BDNF: variants seen among roughly 807,000 people sequenced by gnomAD.
BDNF encodes the protein brain derived neurotrophic factor.
In BDNF, 1 loss-of-function variant was observed where a neutral mutation model predicts 19.5. That is an observed-to-expected ratio of 0.05 (90% CI 0.02 to 0.24). The LOEUF (loss-of-function observed/expected upper bound fraction) is 0.24. Among genes scored for constraint, BDNF ranks in the 10% least tolerant of loss-of-function variants. The probability of loss-of-function intolerance (pLI) is 1.00; values close to 1 mark genes in which losing one functional copy is unlikely to be tolerated. For missense variants in BDNF, 195 were observed against 317.6 expected, an observed-to-expected ratio of 0.61 and a Z score of 2.93; for synonymous variants, 100 against 121.6, an observed-to-expected ratio of 0.82 and a Z score of 1.17.
intron 1 of BDNF, among the ~76,000 whole-genome samples, chr11:27,706,354 C>T (rs1860110446): frequency 6.6e-6 from 1 of 152,120 alleles, no homozygotes; most frequent in Admixed American, 6.5e-5. Flanking sequence ...CATTGCAGAC[C>T]AGGGAAGTAG....
chr11:27,669,890 A>G (rs1354262830), intron 1 of BDNF, among the ~76,000 whole-genome samples: 6 of 127,644 alleles, frequency 4.7e-5, no homozygotes, highest in African/African-American at 1.5e-4. Context: ...CTTTCTCCAC[A>G]GAATTGGAAA....
At chr11:27,700,803 C>T, upstream of BDNF, 2 of 1,208,680 alleles carry the variant, frequency 1.7e-6, no homozygotes, top group Non-Finnish European at 2.1e-6. Flanking sequence ...CCCCGCGTCC[C>T]GCGCCCTCTG....
intron 1 of BDNF, among the ~76,000 whole-genome samples, chr11:27,681,117 G>A (rs1856783177): frequency 1.3e-5 from 2 of 152,270 alleles, no homozygotes; most frequent in South Asian, 4.1e-4. Flanking sequence ...GTTCCCTTGT[G>A]GAAACACAAG....
At chr11:27,700,547 C>T (rs1859813396), upstream of BDNF, 6 of 851,846 alleles carry the variant, frequency 7.0e-6, no homozygotes, top group Admixed American at 2.0e-4. Flanking sequence ...CCCCGCCCCC[C>T]GCTCCCCGCT....
chr11:27,686,772 C>A (rs925669836), intron 1 of BDNF, among the ~76,000 whole-genome samples: 1 of 151,784 alleles, frequency 6.6e-6, no homozygotes, highest in Non-Finnish European at 1.5e-5. Context: ...GCTGAGAGAT[C>A]CACTGTTAGT....
At chr11:27,700,730 C>A, upstream of BDNF, 1 of 1,178,742 alleles carries the variant, frequency 8.5e-7, no homozygotes, top group Non-Finnish European at 1.1e-6. Flanking sequence ...CCTCCTGGGG[C>A]GCCTTGGACA....
At chr11:27,701,666 A>G (rs1269380661), upstream of BDNF, 2 of 973,296 alleles carry the variant, frequency 2.1e-6, no homozygotes, top group Non-Finnish European at 1.2e-6. Context: ...CGGTGCCTTG[A>G]CGTGCGCTGT....
chr11:27,718,355 C>T (rs1349881643), intron 1 of BDNF, among the ~76,000 whole-genome samples: 2 of 73,094 alleles, frequency 2.7e-5, no homozygotes, highest in Non-Finnish European at 6.9e-5. Context: ...CCGCACACCA[C>T]CCCCCCCCGC....
chr11:27,677,300 T>C (rs1856260800), intron 1 of BDNF: 1 of 152,222 alleles, frequency 6.6e-6, no homozygotes, highest in African/African-American at 2.4e-5. Flanking sequence ...ATACATGATT[T>C]TTCCTGCTGA....
In BDNF at chr11:27,657,544, C is replaced by T; in HGVS notation, c.*277G>A. 1 of 1,162,190 alleles carries T rather than the reference C, an allele frequency of 8.6e-7. No individual in the cohort carries two copies. The highest frequency in any genetic ancestry group is 1.1e-6 in the Non-Finnish European group (1 of 940,688). The allele number at this position is 1,162,190 out of a possible 1,614,324, so 72.0% of individuals were successfully genotyped here. The stretch of plus-strand genomic sequence containing the variant: ...GCATGCAATTTATTATTTTTTTTAA[C>T]TTTTTATGTTTTCAGTTCTTGGCAA... On this transcript the variant is annotated 3_prime_UTR_variant, in exon 2 of 2. Coordinates refer to ENST00000356660, the MANE Select transcript of BDNF (RefSeq NM_001709.5). The surrounding 1 kb of genome is among the most constrained non-coding windows in gnomAD (Gnocchi z 5.0).
chr11:27,717,860 A>AGTGTGT (rs56730757), intron 1 of BDNF, among the ~76,000 whole-genome samples: 19,392 of 147,466 alleles, frequency 0.13, 1,365 homozygotes, highest in Non-Finnish European at 0.17. Flanking sequence ...TTACAAGTTG[A>AGTGTGT]GTGTGTGTGT....
intron 1 of BDNF, among the ~76,000 whole-genome samples, chr11:27,665,704 G>A (rs764807587): frequency 1.1e-4 from 16 of 152,342 alleles, no homozygotes; most frequent in Non-Finnish European, 1.6e-4. Context: ...CTGCAAAGCA[G>A]CAGCGAGGCT....
At position 27,657,370 on chromosome 11, in the gene BDNF, T is replaced by A. The variant is rs760016550; in HGVS notation, c.*451A>T. 28 of 1,004,086 alleles carry A rather than the reference T, an allele frequency of 2.8e-5. No individual in the cohort carries two copies. The highest frequency in any genetic ancestry group is 3.3e-5 in the Non-Finnish European group (28 of 840,850). The allele number at this position is 1,004,086 out of a possible 1,614,324, so 62.2% of individuals were successfully genotyped here. ...CAACGCTATCAGAAGTTAAAAGCAG[T>A]AAAACAGATATAGTACTAACAAGAA... On this transcript the variant is annotated 3_prime_UTR_variant, in exon 2 of 2. Transcript: ENST00000356660. The surrounding 1 kb of genome is among the most constrained non-coding windows in gnomAD (Gnocchi z 5.0).
intron 1 of BDNF, chr11:27,719,426 G>T (rs1860662579): frequency 2.0e-6 from 2 of 982,776 alleles, no homozygotes; most frequent in South Asian, 4.7e-5. Context: ...CGCCCGGCCC[G>T]CTCTCTGGCT....
intron 1 of BDNF, among the ~76,000 whole-genome samples, chr11:27,713,007 A>G (rs1185538665): frequency 6.8e-6 from 1 of 147,072 alleles, no homozygotes; most frequent in Non-Finnish European, 1.5e-5. Flanking sequence ...TCCATGGTTC[A>G]AGTTAGTCTC....
chr11:27,674,095 A>G (rs772577149), intron 1 of BDNF: 1 of 1,611,028 alleles, frequency 6.2e-7, no homozygotes, highest in Non-Finnish European at 8.5e-7. Context: ...AGTTTGTTAA[A>G]TTCCACTGAA....
At chr11:27,687,724 A>G (rs1949513) in intron 1 of BDNF, among the ~76,000 whole-genome samples, 48,456 of 152,148 alleles carry the variant, frequency 0.32, 9,789 homozygotes, top group Middle Eastern at 0.44. Flanking sequence ...TTGCCTGGGT[A>G]TCACCAGCAG....
chr11:27,692,469 G>A (rs559693172), intron 1 of BDNF, among the ~76,000 whole-genome samples: 1 of 151,962 alleles, frequency 6.6e-6, no homozygotes, highest in African/African-American at 2.4e-5. Flanking sequence ...AGCCTCCCAA[G>A]TAGCTGGGAC....
intron 1 of BDNF, among the ~76,000 whole-genome samples, chr11:27,720,004 G>A (rs977198581): frequency 1.7e-4 from 26 of 152,022 alleles, no homozygotes; most frequent in Admixed American, 1.0e-3. Context: ...AATTAGTAAT[G>A]AATCTACTGT....
Sources: gnomAD v4.1 joint callset for allele counts (sites outside exome capture counted in the v4.1 genomes callset) on GRCh38, gnomAD v4.1.1 for gene constraint, Gnocchi (gnomAD v3.1) non-coding constraint, MANE v1.5 for transcripts, NCBI Gene and HGNC (gene_info 2026-07-23, HGNC 2026-07-21) for gene names.